The following NR1H4 variants were observed in gnomAD, a reference collection of about 807,000 sequenced individuals.
NR1H4 encodes nuclear receptor subfamily 1 group H member 4, also known as bile acid receptor.
Under a neutral mutation model 58.5 loss-of-function variants are expected in NR1H4, and 23 were observed. That is an observed-to-expected ratio of 0.39 (90% confidence interval 0.28 to 0.56). NR1H4 has a LOEUF of 0.56. NR1H4 is among the 20% of genes least tolerant of loss of function. NR1H4 has a pLI of 0.58. For missense variants in NR1H4, 487 were observed against 576.9 expected (o/e 0.84, Z 1.60); for synonymous variants, 214 against 198.0 (o/e 1.08, Z -0.68).
chr12:100,501,709 G>T (rs1446857753), intron 3 of NR1H4, among the ~76,000 whole-genome samples: 1 of 152,162 alleles, frequency 6.6e-6, no homozygotes, highest in African/African-American at 2.4e-5. Flanking sequence ...CACTTGTATA[G>T]CTCACCTTTG....
chr12:100,536,627 A>C lies in NR1H4; in HGVS notation c.831+17A>C, dbSNP rs368925846. ...AATAAAATTGTATGTATAATATCTG[A>C]AAATATGTGGGTTTAAAGTTAATAT... On this transcript the variant is annotated intron_variant, in intron 7 of 10. Coordinates refer to ENST00000392986, the MANE Select transcript of NR1H4 (RefSeq NM_001206979.2). 1 of 1,334,712 alleles carries C rather than the reference A, an allele frequency of 7.5e-7. No individual in the cohort carries two copies. Among genetic ancestry groups the C allele is most frequent in the African/African-American group, 1.4e-5 (1 of 69,516 alleles). 82.7% of individuals were successfully genotyped at this position (1,334,712 alleles called of 1,614,324 possible).
At chr12:100,547,762 C>G (rs1479038772) in intron 9 of NR1H4, among the ~76,000 whole-genome samples, 1 of 151,718 alleles carries the variant, frequency 6.6e-6, no homozygotes, top group Non-Finnish European at 1.5e-5. Context: ...CTCTGTCGCC[C>G]AGGCTGGAGT....
chr12:100,489,099 T>G (rs1190633353), intron 1 of NR1H4, among the ~76,000 whole-genome samples: 1 of 152,166 alleles, frequency 6.6e-6, no homozygotes, highest in African/African-American at 2.4e-5. Flanking sequence ...TAACCGTAAT[T>G]AGACAAATAA....
At chr12:100,497,229 G>A (rs1313971146) in intron 3 of NR1H4, among the ~76,000 whole-genome samples, 3 of 152,104 alleles carry the variant, frequency 2.0e-5, no homozygotes, top group Non-Finnish European at 1.5e-5. Context: ...ACCCCAGGGG[G>A]CATTAATTCC....
At chr12:100,533,426 C>T (rs770919538) in intron 5 of NR1H4, among the ~76,000 whole-genome samples, 10 of 152,078 alleles carry the variant, frequency 6.6e-5, no homozygotes, top group Non-Finnish European at 1.0e-4. Context: ...CCAAACTGTA[C>T]GGGCAACTGG....
chr12:100,499,730 T>C (rs1046034762), intron 3 of NR1H4: 15 of 403,536 alleles, frequency 3.7e-5, no homozygotes, highest in Non-Finnish European at 5.9e-5. Context: ...AAAATCATAT[T>C]GCAAATATAT....
At chr12:100,542,068 CA>C (rs1954949398) in intron 9 of NR1H4, among the ~76,000 whole-genome samples, 1 of 152,012 alleles carries the variant, frequency 6.6e-6, no homozygotes. Flanking sequence ...TGTGTCAGCC[CA>C]ATGCAGTGGC....
chr12:100,478,568 A>G (rs535919062), intron 1 of NR1H4, among the ~76,000 whole-genome samples: 6 of 152,326 alleles, frequency 3.9e-5, no homozygotes, highest in African/African-American at 7.2e-5. Flanking sequence ...CCCTAGCCCT[A>G]TTCTCCTCTA....
At chr12:100,559,472 G>A (rs1438498356) in intron 9 of NR1H4, among the ~76,000 whole-genome samples, 1 of 152,094 alleles carries the variant, frequency 6.6e-6, no homozygotes, top group Non-Finnish European at 1.5e-5. Context: ...CCCCTCACTC[G>A]GAGCAGCCGG....
intron 4 of NR1H4, among the ~76,000 whole-genome samples, chr12:100,519,899 G>C (rs996169777): frequency 6.6e-6 from 1 of 152,194 alleles, no homozygotes; most frequent in African/African-American, 2.4e-5. Context: ...TTCAGGATTG[G>C]GGGCTTAAGC....
intron 1 of NR1H4, among the ~76,000 whole-genome samples, chr12:100,488,658 G>A (rs2136093770): frequency 6.6e-6 from 1 of 152,146 alleles, no homozygotes; most frequent in African/African-American, 2.4e-5. Context: ...GTAAACTTGA[G>A]GAAGAACAGG....
In NR1H4 at chr12:100,498,553, G is replaced by A. The variant is rs569779796; in HGVS notation, c.79+5151G>A. On this transcript the variant is annotated intron_variant, in intron 3 of 10. Coordinates refer to ENST00000392986, the MANE Select transcript of NR1H4 (RefSeq NM_001206979.2). ...CTCGGGAGGCTGAGGCAGGAGAATC[G>A]CTTGAACCCAGGAGGCGGAGGTTAC... Among the ~76,000 whole-genome samples the A allele has an allele frequency of 1.2e-4, 18 of 151,894 alleles. No individual in the cohort carries two copies. The South Asian group carries it at 3.7e-3, about 32-fold the overall frequency.
chr12:100,481,529 TTTGGGAG>T (rs1953380215), intron 1 of NR1H4, among the ~76,000 whole-genome samples: 1 of 152,092 alleles, frequency 6.6e-6, no homozygotes, highest in Non-Finnish European at 1.5e-5. Context: ...ATCCCAGCAC[TTTGGGAG>T]GCTGAGGTGG....
chr12:100,556,641 A>G (rs890566767), intron 9 of NR1H4, among the ~76,000 whole-genome samples: 1 of 152,152 alleles, frequency 6.6e-6, no homozygotes, highest in Non-Finnish European at 1.5e-5. Context: ...TGGCATGTAT[A>G]TATGTTTCAC....
chr12:100,546,481 G>T (rs2888555), intron 9 of NR1H4, among the ~76,000 whole-genome samples: 4,900 of 152,018 alleles, frequency 0.032, 352 homozygotes, highest in East Asian at 0.3. Flanking sequence ...GGATCACGAG[G>T]TCAGGAGTTT....
At chr12:100,532,151 C>T (rs771556572) in intron 4 of NR1H4, among the ~76,000 whole-genome samples, 4 of 152,116 alleles carry the variant, frequency 2.6e-5, no homozygotes, top group Non-Finnish European at 5.9e-5. Context: ...ACTTAGTGCT[C>T]ACTGGCATAG....
At chr12:100,552,289 C>A (rs1010437327) in intron 9 of NR1H4, among the ~76,000 whole-genome samples, 1 of 152,168 alleles carries the variant, frequency 6.6e-6, no homozygotes, top group East Asian at 1.9e-4. Context: ...GGAAGCATAT[C>A]ATGTATTATA....
chr12:100,480,190 A>G (rs910972370), intron 1 of NR1H4, among the ~76,000 whole-genome samples: 6 of 152,150 alleles, frequency 3.9e-5, no homozygotes, highest in Non-Finnish European at 7.3e-5. Flanking sequence ...ACCTGTGCTT[A>G]GCTCTGTTGT....
At chr12:100,481,538 C>A (rs1953380320) in intron 1 of NR1H4, among the ~76,000 whole-genome samples, 1 of 152,156 alleles carries the variant, frequency 6.6e-6, no homozygotes, top group Non-Finnish European at 1.5e-5. Context: ...CTTTGGGAGG[C>A]TGAGGTGGGC....
Sources: allele counts gnomAD v4.1 joint callset (sites outside exome capture counted in the v4.1 genomes callset), GRCh38; gene constraint gnomAD v4.1.1; transcripts MANE v1.5; gene names NCBI Gene and HGNC (gene_info 2026-07-23, HGNC 2026-07-21).